STXBP6: variants seen among roughly 807,000 people sequenced by gnomAD.
The protein encoded by STXBP6 is syntaxin-binding protein 6.
STXBP6 carries 21 observed loss-of-function variants against 26.9 expected under a neutral mutation model. That is an observed-to-expected ratio of 0.78 (90% CI 0.55 to 1.12). STXBP6 has a LOEUF of 1.12. Ranked by LOEUF, STXBP6 falls within the 50% of genes most tolerant of loss-of-function variation. The pLI, the probability that STXBP6 is intolerant of heterozygous loss-of-function variation, is 0.00. For missense variants in STXBP6, 232 were observed against 257.9 expected, an observed-to-expected ratio of 0.90 and a Z score of 0.69; for synonymous variants, 97 against 92.6, an observed-to-expected ratio of 1.05 and a Z score of -0.27.
chr14:24,968,256 A>T (rs1352851562), intron 2 of STXBP6, among the ~76,000 whole-genome samples: 1 of 150,368 alleles, frequency 6.7e-6, no homozygotes, highest in Admixed American at 6.6e-5. Flanking sequence ...CTCTGACTTC[A>T]GTGTGAATTT....
rs1310828232 is a variant in STXBP6, at chr14:24,810,050, A to G, written c.*2659T>C. 6.6e-6 allele frequency: 1 copy of G among 152,266 alleles called. No individual in the cohort carries two copies. Among genetic ancestry groups the G allele is most frequent in the Admixed American group, 6.5e-5 (1 of 15,286 alleles). The allele number at this position is 152,266 out of a possible 1,614,324, so 9.4% of individuals were successfully genotyped here. A position where few individuals can be genotyped will look rare whatever the true frequency, so the allele number is the denominator to read the frequency against. On this transcript the variant is annotated 3_prime_UTR_variant, in exon 6 of 6. Coordinates refer to ENST00000323944, the MANE Select transcript of STXBP6 (RefSeq NM_001394410.1). ...TTTAATATGAAACATTAACCTGAAT[A>G]ACTGCATACTTTCTGTACACAGGTA... is the stretch of plus-strand genomic sequence containing the variant.
chr14:24,968,825 T>C (rs1249949696), intron 2 of STXBP6, among the ~76,000 whole-genome samples: 2 of 152,278 alleles, frequency 1.3e-5, no homozygotes, highest in East Asian at 1.9e-4. Context: ...GTATCAAAAA[T>C]ATATCATTAT....
chr14:24,871,961 C>A lies in STXBP6; in HGVS notation c.155-14804G>T, dbSNP rs368302624. Among the ~76,000 whole-genome samples the A allele has an allele frequency of 6.1e-4, 93 of 152,310 alleles. No individual in the cohort carries two copies. The South Asian group carries it at 0.012, about 19-fold the overall frequency. On this transcript the variant is annotated intron_variant, in intron 2 of 5. Transcript: ENST00000323944. ...CTCCATCTGACTCCATGGGCCCAGA[C>A]CTCCATGGCCAACAGAGTAATTTCT...
intron 1 of STXBP6, among the ~76,000 whole-genome samples, chr14:25,018,636 A>G (rs568277844): frequency 4.5e-4 from 69 of 152,304 alleles, no homozygotes; most frequent in Non-Finnish European, 1.5e-5. Flanking sequence ...TGGTTCAGGA[A>G]TCCACAGAGC....
chr14:24,907,534 C>T (rs1297833456), intron 2 of STXBP6, among the ~76,000 whole-genome samples: 1 of 152,086 alleles, frequency 6.6e-6, no homozygotes, highest in Non-Finnish European at 1.5e-5. Flanking sequence ...TCAGAATTGC[C>T]ATGAGAGAGT....
intron 4 of STXBP6, among the ~76,000 whole-genome samples, chr14:24,843,715 A>T (rs1433015291): frequency 6.6e-6 from 1 of 152,180 alleles, no homozygotes; most frequent in Non-Finnish European, 1.5e-5. Flanking sequence ...AGATCTGTGT[A>T]TTGAAAGCCT....
chr14:24,919,834 T>C (rs1488983776), intron 2 of STXBP6, among the ~76,000 whole-genome samples: 2 of 152,030 alleles, frequency 1.3e-5, no homozygotes, highest in Non-Finnish European at 2.9e-5. Flanking sequence ...TAATTTCTTA[T>C]AAATCTTCAC....
At chr14:24,856,671 G>A (rs141071598) in intron 3 of STXBP6, among the ~76,000 whole-genome samples, 2 of 150,984 alleles carry the variant, frequency 1.3e-5, no homozygotes, top group African/African-American at 4.8e-5. Context: ...AATACACCTT[G>A]TCATTAGTGC....
chr14:24,980,246 T>C (rs1220600279), intron 1 of STXBP6, among the ~76,000 whole-genome samples: 2 of 152,232 alleles, frequency 1.3e-5, no homozygotes, highest in African/African-American at 4.8e-5. Context: ...TCTGATGTCA[T>C]ATATTAAGAT....
chr14:24,886,949 A>C (rs983425009), intron 2 of STXBP6, among the ~76,000 whole-genome samples: 2 of 152,232 alleles, frequency 1.3e-5, no homozygotes, highest in African/African-American at 2.4e-5. Context: ...GAACCCTCCC[A>C]AAAGAGTCAT....
chr14:24,925,353 C>T (rs2072124400), intron 2 of STXBP6, among the ~76,000 whole-genome samples: 1 of 152,200 alleles, frequency 6.6e-6, no homozygotes, highest in Non-Finnish European at 1.5e-5. Flanking sequence ...CAGAACATTT[C>T]CTATCATTAC....
intron 2 of STXBP6, among the ~76,000 whole-genome samples, chr14:24,955,071 C>G (rs1176925766): frequency 6.6e-6 from 1 of 152,176 alleles, no homozygotes; most frequent in Non-Finnish European, 1.5e-5. Flanking sequence ...TAGTAACTGG[C>G]ATATAATAAG....
At chr14:24,906,618 C>T (rs7154597) in intron 2 of STXBP6, among the ~76,000 whole-genome samples, 31 of 152,046 alleles carry the variant, frequency 2.0e-4, no homozygotes, top group African/African-American at 6.5e-4. Flanking sequence ...CCTGAGAATG[C>T]GACATGCATA....
intron 2 of STXBP6, among the ~76,000 whole-genome samples, chr14:24,899,735 C>A (rs1480599520): frequency 2.3e-5 from 3 of 132,446 alleles, no homozygotes; most frequent in African/African-American, 8.3e-5. Context: ...GAGCCGAGAT[C>A]GTGCCACCGC....
intron 1 of STXBP6, among the ~76,000 whole-genome samples, chr14:25,015,800 GAAA>G (rs57895563): frequency 1.3e-4 from 17 of 135,084 alleles, no homozygotes; most frequent in African/African-American, 1.3e-4. Flanking sequence ...CAACAACAAG[GAAA>G]AAAAAAAAAA....
chr14:25,008,340 C>CA (rs2074951638), intron 1 of STXBP6, among the ~76,000 whole-genome samples: 1 of 152,048 alleles, frequency 6.6e-6, no homozygotes, highest in South Asian at 2.1e-4. Flanking sequence ...TCCAACTCTA[C>CA]AAAAAATTAG....
chr14:24,841,472 G>T (rs1407681891), intron 4 of STXBP6, among the ~76,000 whole-genome samples: 3 of 152,098 alleles, frequency 2.0e-5, no homozygotes, highest in Non-Finnish European at 4.4e-5. Context: ...CTTCAATTCA[G>T]CAAGTTTTAG....
At chr14:24,976,353 T>C (rs1474649780) in intron 1 of STXBP6, among the ~76,000 whole-genome samples, 3 of 152,236 alleles carry the variant, frequency 2.0e-5, no homozygotes, top group Non-Finnish European at 2.9e-5. Context: ...AAGAAATTTC[T>C]CCTAGTTTTT....
intron 2 of STXBP6, among the ~76,000 whole-genome samples, chr14:24,951,061 A>G (rs1436218095): frequency 6.6e-6 from 1 of 152,154 alleles, no homozygotes; most frequent in African/African-American, 2.4e-5. Context: ...CCTGCAAAGG[A>G]TATGAACTCA....
Sources: gnomAD v4.1 joint callset for allele counts (sites outside exome capture counted in the v4.1 genomes callset) on GRCh38, gnomAD v4.1.1 for gene constraint, MANE v1.5 for transcripts, NCBI Gene and HGNC (gene_info 2026-07-23, HGNC 2026-07-21) for gene names.